NDST4: variants seen among roughly 807,000 people sequenced by gnomAD.
NDST4 encodes N-heparan sulfate sulfotransferase 4.
In NDST4, 63 loss-of-function variants were observed where a neutral mutation model predicts 100.8. That is an observed-to-expected ratio of 0.62 (90% CI 0.51 to 0.77). The LOEUF is 0.77. NDST4 is among the 30% of genes least tolerant of loss of function. The pLI is 0.00. For synonymous variants in NDST4, 377 were observed against 361.8 expected, an observed-to-expected ratio of 1.04 and a Z score of -0.48; for missense variants, 943 against 1,018.4, an observed-to-expected ratio of 0.93 and a Z score of 1.01.
At chr4:114,967,629 A>G (rs1458088767) in intron 4 of NDST4, among the ~76,000 whole-genome samples, 1 of 152,138 alleles carries the variant, frequency 6.6e-6, no homozygotes, top group African/African-American at 2.4e-5. Flanking sequence ...TTTCAAGGTA[A>G]GTGTCCTGAG....
intron 2 of NDST4, among the ~76,000 whole-genome samples, chr4:115,035,263 A>C (rs1386885955): frequency 6.6e-6 from 1 of 152,180 alleles, no homozygotes. Context: ...AACTTAAACA[A>C]TAAGAATATG....
At chr4:114,935,359 C>T (rs772896124) in intron 5 of NDST4, 25 bp from the exon 6 acceptor site, 4 of 1,518,888 alleles carry the variant, frequency 2.6e-6, no homozygotes, top group South Asian at 2.6e-5. Flanking sequence ...GGAAAAACAG[C>T]ACATGGACGT....
At chr4:115,088,161 T>C (rs1253850009) in intron 1 of NDST4, among the ~76,000 whole-genome samples, 1 of 152,018 alleles carries the variant, frequency 6.6e-6, no homozygotes, top group East Asian at 1.9e-4. Context: ...CACAATCTTC[T>C]ACTTTACAAA....
chr4:114,829,987 C>T (rs775973816), intron 12 of NDST4, 95 bp from the exon 13 acceptor site: 2 of 808,940 alleles, frequency 2.5e-6, no homozygotes, highest in African/African-American at 1.8e-5. Flanking sequence ...TTTTTGTATG[C>T]CCACTGATTT....
rs1728853193 is a variant in NDST4, at chr4:115,062,838, G to A, written c.978+13221C>T. On this transcript the variant is annotated intron_variant, in intron 2 of 13. Coordinates refer to ENST00000264363, the MANE Select transcript of NDST4 (RefSeq NM_022569.3). Reference sequence around the variant, plus strand: ...AAGAAAATTAGTTTAGTAAACTAGGGCTATAGGTATCAATGTGGGTGAGCC... The same window carrying A: ...AAGAAAATTAGTTTAGTAAACTAGGACTATAGGTATCAATGTGGGTGAGCC... Among the ~76,000 whole-genome samples, 2 of 151,802 alleles carry A rather than the reference G, an allele frequency of 1.3e-5. 1 individual carries two copies. The highest frequency in any genetic ancestry group is 4.8e-5 in the African/African-American group (2 of 41,356).
intron 4 of NDST4, among the ~76,000 whole-genome samples, chr4:114,961,047 C>T (rs931267174): frequency 6.6e-6 from 1 of 151,850 alleles, no homozygotes; most frequent in Non-Finnish European, 1.5e-5. Flanking sequence ...ACTGGAAAAG[C>T]CACTGTGAAA....
chr4:115,063,873 T>C (rs955484590), intron 2 of NDST4, among the ~76,000 whole-genome samples: 2 of 151,974 alleles, frequency 1.3e-5, no homozygotes, highest in African/African-American at 2.4e-5. Flanking sequence ...CTTAATACTT[T>C]CTTTTCCTCA....
intron 2 of NDST4, among the ~76,000 whole-genome samples, chr4:115,002,412 G>T (rs952190247): frequency 2.0e-5 from 3 of 152,078 alleles, no homozygotes; most frequent in African/African-American, 7.2e-5. Context: ...TGTCAGATGG[G>T]TAGATTACAA....
intron 1 of NDST4, among the ~76,000 whole-genome samples, chr4:115,084,481 C>T (rs1375394502): frequency 6.6e-6 from 1 of 152,138 alleles, no homozygotes; most frequent in Non-Finnish European, 1.5e-5. Flanking sequence ...CTTCAGGGCA[C>T]GTCAGAGACC....
chr4:115,055,403 T>C (rs993644236), intron 2 of NDST4, among the ~76,000 whole-genome samples: 8 of 152,168 alleles, frequency 5.3e-5, no homozygotes, highest in South Asian at 4.1e-4. Flanking sequence ...GCCAAAAAGA[T>C]TGGGGATCAC....
At chr4:114,956,124 T>C (rs1263748298) in intron 4 of NDST4, among the ~76,000 whole-genome samples, 2 of 152,120 alleles carry the variant, frequency 1.3e-5, no homozygotes, top group Non-Finnish European at 1.5e-5. Context: ...ATCTCAATTG[T>C]GGAGTGTTGA....
At chr4:114,873,237 C>T in intron 6 of NDST4, among the ~76,000 whole-genome samples, 1 of 151,346 alleles carries the variant, frequency 6.6e-6, no homozygotes, top group African/African-American at 2.4e-5. Context: ...TCAAAAAAGA[C>T]TATAGATATT....
At chr4:115,026,037 A>G (rs1560571739) in intron 2 of NDST4, among the ~76,000 whole-genome samples, 1 of 152,090 alleles carries the variant, frequency 6.6e-6, no homozygotes. Flanking sequence ...ATTGAACATT[A>G]TTTAGAGCCC....
In NDST4 at chr4:115,077,001, T is replaced by C. The variant is rs755983655; in HGVS notation, c.36A>G (p.Arg12=). The C allele has an allele frequency of 1.2e-6, 2 of 1,605,500 alleles. No individual in the cohort carries two copies. Among genetic ancestry groups the C allele is most frequent in the Admixed American group, 1.7e-5 (1 of 57,858 alleles). The change falls in exon 2 of 14, where the codon CGA becomes CGG. Residue 12 remains arginine, a synonymous_variant. Coordinates refer to ENST00000264363, the MANE Select transcript of NDST4 (RefSeq NM_022569.3). Reference sequence around the variant, plus strand: ...AGGTAGCTAAGAGAACAATCAATGTTCGAAAACTTCTCCGAAGTTTCACAA... The same window carrying C: ...AGGTAGCTAAGAGAACAATCAATGTCCGAAAACTTCTCCGAAGTTTCACAA... The part of the protein sequence containing the change: ...NLIVKLRRSF[R]TLIVLLATFC...
At chr4:114,930,174 G>C (rs955989758) in intron 6 of NDST4, among the ~76,000 whole-genome samples, 1 of 152,092 alleles carries the variant, frequency 6.6e-6, no homozygotes, top group Non-Finnish European at 1.5e-5. Context: ...TATACAAAAG[G>C]TGTTGATTTT....
intron 1 of NDST4, among the ~76,000 whole-genome samples, chr4:115,084,784 C>G (rs1378301900): frequency 6.6e-6 from 1 of 152,158 alleles, no homozygotes; most frequent in Non-Finnish European, 1.5e-5. Context: ...ATGGAAATGT[C>G]TGGATGTCCA....
At chr4:114,915,682 A>G (rs1026348454) in intron 6 of NDST4, among the ~76,000 whole-genome samples, 14 of 152,180 alleles carry the variant, frequency 9.2e-5, no homozygotes, top group African/African-American at 3.4e-4. Flanking sequence ...TTGGTTGTTA[A>G]TTGAAATCTA....
chr4:114,849,965 A>T (rs1228068388), intron 8 of NDST4, among the ~76,000 whole-genome samples: 3 of 152,194 alleles, frequency 2.0e-5, no homozygotes, highest in African/African-American at 7.2e-5. Context: ...AAAATGTGAG[A>T]AGAGCAAAAA....
At chr4:114,968,533 G>C in intron 4 of NDST4, among the ~76,000 whole-genome samples, 1 of 152,112 alleles carries the variant, frequency 6.6e-6, no homozygotes, top group South Asian at 2.1e-4. Flanking sequence ...AATATTTTAG[G>C]CTTTGTGGAC....
Sources: allele counts gnomAD v4.1 joint callset (sites outside exome capture counted in the v4.1 genomes callset), GRCh38; gene constraint gnomAD v4.1.1; transcripts MANE v1.5; gene names NCBI Gene and HGNC (gene_info 2026-07-23, HGNC 2026-07-21).